Variants in ATG7 observed in about 807,000 individuals in gnomAD.
The protein encoded by ATG7 is ubiquitin-like modifier-activating enzyme ATG7.
ATG7 carries 70 observed loss-of-function variants against 82.4 expected under a neutral mutation model. That is an observed-to-expected ratio of 0.85 (90% CI 0.70 to 1.04). The LOEUF is 1.04. Ranked by LOEUF, ATG7 falls within the 50% of genes least tolerant of loss-of-function variation. The pLI, the probability that ATG7 is intolerant of heterozygous loss-of-function variation, is 0.00. For missense variants in ATG7, 792 were observed against 864.3 expected (o/e 0.92, Z 1.05); for synonymous variants, 287 against 313.0 (o/e 0.92, Z 0.88).
intron 19 of ATG7, among the ~76,000 whole-genome samples, chr3:11,391,956 A>AT (rs932453142): frequency 1.4e-5 from 1 of 71,948 alleles, no homozygotes; most frequent in Non-Finnish European, 2.9e-5. Flanking sequence ...CATTGTACTT[A>AT]TTGGGGGGGG....
chr3:11,330,984 A>G lies in ATG7; in HGVS notation c.679-356A>G, dbSNP rs796662894. On this transcript the variant is annotated intron_variant, in intron 9 of 20. Transcript: ENST00000693202. ...AAAATGAGCAATTTTCACAGATTATATTTCTTTGTTTACAAGAGGATTTTC... is the reference window on the plus strand; with the variant it reads ...AAAATGAGCAATTTTCACAGATTATGTTTCTTTGTTTACAAGAGGATTTTC... Among the ~76,000 whole-genome samples the G allele has an allele frequency of 5.3e-5, 8 of 152,214 alleles. 1 individual carries two copies. Among genetic ancestry groups the G allele is most frequent in the African/African-American group, 1.9e-4 (8 of 41,536 alleles).
chr3:11,328,947 G>A (rs1951257935), intron 9 of ATG7, among the ~76,000 whole-genome samples: 1 of 152,162 alleles, frequency 6.6e-6, no homozygotes, highest in African/African-American at 2.4e-5. Context: ...AAAATTAGCA[G>A]GGCGTGGTAA....
intron 11 of ATG7, among the ~76,000 whole-genome samples, chr3:11,338,223 C>T (rs1451733326): frequency 6.6e-6 from 1 of 152,140 alleles, no homozygotes; most frequent in Admixed American, 6.6e-5. Flanking sequence ...TTTTCTGTTC[C>T]TGCACTAGTT....
chr3:11,566,028 A>G, the ATG7 span, among the ~76,000 whole-genome samples: 515 of 152,310 alleles, frequency 3.4e-3, 3 homozygotes, highest in African/African-American at 0.012. Flanking sequence ...GAATTTTAAG[A>G]AATACAAATT....
chr3:11,331,494 T>A, intron 10 of ATG7, 66 bp downstream of exon 10: 2 of 1,261,208 alleles, frequency 1.6e-6, no homozygotes, highest in Non-Finnish European at 2.3e-6. Context: ...ACAATGTGTC[T>A]GTTTCTATTT....
rs747503090 is a variant in ATG7 at position 11,364,712 on chromosome 3, C to T, written c.1853C>T (p.Ser618Phe). Residue 618 changes from serine (S) to phenylalanine (F), a missense_variant, in exon 18 of 21, where the codon TCT (serine) becomes TTT (phenylalanine). Physicochemically the swap from Ser to Phe is radical, Grantham distance 155 (BLOSUM62 -2). Coordinates refer to ENST00000693202, the MANE Select transcript of ATG7 (RefSeq NM_001349232.2). Reference protein sequence around the residue: ...SDDRMNEPPTSLGLVPHQIRG... With the variant: ...SDDRMNEPPTFLGLVPHQIRG... ...GATCGGATGAATGAGCCTCCAACCT[C>T]TCTTGGGCTTGTGCCTCACCAGGTT... The T allele has an allele frequency of 6.2e-7, 1 of 1,614,204 alleles. No homozygotes were observed. Among genetic ancestry groups the T allele is most frequent in the Non-Finnish European group, 8.5e-7 (1 of 1,180,016 alleles).
intron 20 of ATG7, among the ~76,000 whole-genome samples, chr3:11,532,105 G>A (rs1344462641): frequency 6.6e-6 from 1 of 152,154 alleles, no homozygotes; most frequent in East Asian, 1.9e-4. Context: ...GTAAGGGACT[G>A]TGGGGCGCTG....
rs572113306 is a variant in ATG7, at chr3:11,403,564, C to T, written c.1957-23240C>T. 1.5e-4 allele frequency among the ~76,000 whole-genome samples: 23 copies of T among 152,180 alleles called. No individual in the cohort carries two copies. The South Asian group carries it at 3.5e-3, about 23-fold the overall frequency. On this transcript the variant is annotated intron_variant, in intron 19 of 20. Transcript: ENST00000693202. ...TTTTATGTAGTTTTTAAGGTTTTTT[C>T]TTCTGGTGAGTTACTTGCATTTCAT... is the stretch of plus-strand genomic sequence containing the variant.
intron 20 of ATG7, among the ~76,000 whole-genome samples, chr3:11,503,755 CAA>C (rs34065629): frequency 5.2e-3 from 398 of 76,954 alleles, no homozygotes; most frequent in African/African-American, 0.017. Context: ...GACTCTGTCT[CAA>C]AAAAAAAAAA....
Position 11,403,084 on chromosome 3 carries a change from T to A in ATG7, c.1956+23032T>A, listed in dbSNP as rs868223629. ...AGTACACTAACATACCATTTATAAA[T>A]ATGTTGATGCTATGGATCTAAATTT... On this transcript the variant is annotated intron_variant, in intron 19 of 20. Coordinates refer to ENST00000693202, the MANE Select transcript of ATG7 (RefSeq NM_001349232.2). 3.2e-4 allele frequency among the ~76,000 whole-genome samples: 49 copies of A among 152,332 alleles called. 2 individuals carry two copies. The Middle Eastern group carries it at 0.02, about 63-fold the overall frequency.
At chr3:11,422,066 G>T (rs1411800514) in intron 19 of ATG7, among the ~76,000 whole-genome samples, 1 of 152,206 alleles carries the variant, frequency 6.6e-6, no homozygotes, top group Non-Finnish European at 1.5e-5. Flanking sequence ...AGGCAGAGAA[G>T]ATTTAGCATA....
At chr3:11,523,758 A>ATCTC (rs2092502089) in intron 20 of ATG7, among the ~76,000 whole-genome samples, 1 of 152,242 alleles carries the variant, frequency 6.6e-6, no homozygotes, top group Admixed American at 6.5e-5. Context: ...ACCACACTTG[A>ATCTC]TCTCTGATTA....
chr3:11,284,198 A>T (rs993812564), intron 3 of ATG7, among the ~76,000 whole-genome samples: 2 of 152,168 alleles, frequency 1.3e-5, no homozygotes, highest in African/African-American at 2.4e-5. Context: ...TTTCTTCATT[A>T]AAAAATATCC....
intron 18 of ATG7, among the ~76,000 whole-genome samples, chr3:11,369,335 G>A (rs1383484250): frequency 6.6e-6 from 1 of 150,920 alleles, no homozygotes. Flanking sequence ...GGTTGATGAT[G>A]ATGGATATAG....
intron 20 of ATG7, among the ~76,000 whole-genome samples, chr3:11,554,376 G>A (rs1159539942): frequency 1.3e-5 from 2 of 152,182 alleles, no homozygotes; most frequent in African/African-American, 4.8e-5. Context: ...CCAGGGTGCA[G>A]CCTCCCAAGG....
chr3:11,274,682 C>T (rs1016491592), intron 1 of ATG7, among the ~76,000 whole-genome samples: 2 of 152,058 alleles, frequency 1.3e-5, no homozygotes, highest in African/African-American at 4.8e-5. Context: ...ACCAATATTC[C>T]CATTGCCACT....
At chr3:11,340,499 A>T (rs3816380) in intron 11 of ATG7, 146 bp from the exon 12 acceptor site, 13 of 613,262 alleles carry the variant, frequency 2.1e-5, no homozygotes, top group Non-Finnish European at 3.0e-5. Flanking sequence ...CAGGCCCTCA[A>T]GTCTCTTTTA....
At chr3:11,489,164 C>A (rs1173267410) in intron 20 of ATG7, among the ~76,000 whole-genome samples, 1 of 152,228 alleles carries the variant, frequency 6.6e-6, no homozygotes, top group African/African-American at 2.4e-5. Context: ...TTATCCATTT[C>A]TTCTAGATTT....
chr3:11,471,288 C>T (rs1170500915), intron 20 of ATG7, among the ~76,000 whole-genome samples: 2 of 152,192 alleles, frequency 1.3e-5, no homozygotes, highest in Non-Finnish European at 2.9e-5. Context: ...CTGGACTCCT[C>T]ACACTTCTGC....
Sources: gnomAD v4.1 joint callset for allele counts (sites outside exome capture counted in the v4.1 genomes callset) on GRCh38, gnomAD v4.1.1 for gene constraint, MANE v1.5 for transcripts, NCBI Gene and HGNC (gene_info 2026-07-23, HGNC 2026-07-21) for gene names.